Variants in UBE2G1 observed in about 807,000 individuals in gnomAD.
The protein encoded by UBE2G1 is ubiquitin conjugating enzyme E2 G1.
Under a neutral mutation model 22.7 loss-of-function variants are expected in UBE2G1, and 5 were observed. The ratio of observed to expected loss-of-function variants is 0.22; its 90% CI spans 0.12 to 0.46. The LOEUF (loss-of-function observed/expected upper bound fraction) is 0.46, where lower values mean the gene tolerates loss of function less well. UBE2G1 is among the 20% of genes least tolerant of loss of function. UBE2G1 has a pLI of 0.99. For synonymous variants in UBE2G1, 74 were observed against 67.5 expected, an observed-to-expected ratio of 1.10 and a Z score of -0.47; for missense variants, 88 against 203.9, an observed-to-expected ratio of 0.43 and a Z score of 3.46.
intron 1 of UBE2G1, among the ~76,000 whole-genome samples, chr17:4,349,225 CAGG>C (rs1969815963): frequency 6.6e-6 from 1 of 152,090 alleles, no homozygotes; most frequent in African/African-American, 2.4e-5. Context: ...GATGCTGAGG[CAGG>C]AGAATTGCTT....
rs879719250 is a variant in UBE2G1 at position 4,300,555 on chromosome 17, TAATA to T, written c.150-3745_150-3742del. Among the ~76,000 whole-genome samples the T allele has an allele frequency of 4.3e-4, 65 of 151,866 alleles. 1 individual carries two copies. Among genetic ancestry groups the T allele is most frequent in the African/African-American group, 1.4e-3 (60 of 41,466 alleles). On this transcript the variant is annotated intron_variant, in intron 2 of 5. Coordinates refer to ENST00000396981, the MANE Select transcript of UBE2G1 (RefSeq NM_003342.5). ...AAGACTCTGTCTCCAAAAATAATAA[TAATA>T]AATAAATAAATAAAATAAAATTTAA...
chr17:4,282,273 A>G (rs1367931771), intron 5 of UBE2G1, among the ~76,000 whole-genome samples: 4 of 151,856 alleles, frequency 2.6e-5, no homozygotes, highest in Admixed American at 2.6e-4. Flanking sequence ...AGTAGAGGGG[A>G]GGTTTCACCA....
At chr17:4,304,941 G>GT in intron 2 of UBE2G1, among the ~76,000 whole-genome samples, 1 of 146,942 alleles carries the variant, frequency 6.8e-6, no homozygotes, top group Non-Finnish European at 1.5e-5. Context: ...CTGCTAAGAA[G>GT]TTTTTTAAGA....
intron 1 of UBE2G1, among the ~76,000 whole-genome samples, chr17:4,338,157 G>A (rs553929226): frequency 2.2e-4 from 32 of 147,940 alleles, no homozygotes; most frequent in African/African-American, 3.8e-4. Context: ...GCGACAGAGC[G>A]AGACTCCATC....
At chr17:4,365,897 TC>T (rs958291346) in intron 1 of UBE2G1, among the ~76,000 whole-genome samples, 1 of 151,814 alleles carries the variant, frequency 6.6e-6, no homozygotes, top group Non-Finnish European at 1.5e-5. Context: ...GCCCCGAAGG[TC>T]CGGCGGCCCC....
At position 4,325,540 on chromosome 17, in the gene UBE2G1, T is replaced by C. The variant is rs1166176650; in HGVS notation, c.47-18417A>G. Among the ~76,000 whole-genome samples, 3 of 152,276 alleles carry C rather than the reference T, an allele frequency of 2.0e-5. No individual in the cohort carries two copies. In the East Asian group the frequency reaches 5.8e-4, roughly 29 times the overall value. On this transcript the variant is annotated intron_variant, in intron 1 of 5. Transcript: ENST00000396981. ...TAAGAGACTTCTAAACAACTGAATC[T>C]TTTCCTCAAACACAAAAAAATCCAC...
chr17:4,337,762 A>G (rs1432089777), intron 1 of UBE2G1, among the ~76,000 whole-genome samples: 2 of 152,206 alleles, frequency 1.3e-5, no homozygotes, highest in Non-Finnish European at 2.9e-5. Flanking sequence ...CCTTCAACTG[A>G]GCAAGAATTA....
intron 3 of UBE2G1, among the ~76,000 whole-genome samples, chr17:4,294,430 A>G (rs2325980): frequency 1.4e-4 from 3 of 20,776 alleles, no homozygotes; most frequent in East Asian, 0.016. Context: ...AAAAAAAAAA[A>G]AAAAAAAAAA....
chr17:4,311,764 T>G (rs1175169264), intron 1 of UBE2G1, among the ~76,000 whole-genome samples: 3 of 152,148 alleles, frequency 2.0e-5, no homozygotes, highest in African/African-American at 7.2e-5. Flanking sequence ...GTGGTACACT[T>G]TAACACCATT....
At chr17:4,278,761 T>C (rs1968849896) in intron 5 of UBE2G1, among the ~76,000 whole-genome samples, 1 of 152,220 alleles carries the variant, frequency 6.6e-6, no homozygotes, top group Non-Finnish European at 1.5e-5. Flanking sequence ...ATTTTTAGAC[T>C]GCATGGTATA....
rs2038961267 is a variant in UBE2G1 at position 4,329,594 on chromosome 17, A to T, written c.47-22471T>A. ...ACTGAGACTCTTCTTTCCACTATTA[A>T]ACAACTTCTTAGAAGACACTATTTC... On this transcript the variant is annotated intron_variant, in intron 1 of 5. Coordinates refer to ENST00000396981, the MANE Select transcript of UBE2G1 (RefSeq NM_003342.5). Among the ~76,000 whole-genome samples, 3 of 152,148 alleles carry T rather than the reference A, an allele frequency of 2.0e-5. No individual in the cohort carries two copies. The South Asian group carries it at 6.2e-4, about 32-fold the overall frequency.
chr17:4,340,401 C>G (rs762661735), intron 1 of UBE2G1, among the ~76,000 whole-genome samples: 61 of 152,188 alleles, frequency 4.0e-4, no homozygotes, highest in Non-Finnish European at 1.8e-4. Context: ...AACTCTCCTT[C>G]TAATGTTCCC....
chr17:4,322,157 A>G (rs1032491281), intron 1 of UBE2G1, among the ~76,000 whole-genome samples: 3 of 152,248 alleles, frequency 2.0e-5, no homozygotes, highest in African/African-American at 7.2e-5. Flanking sequence ...TAATACAAAT[A>G]CAAGATGTTC....
chr17:4,359,544 G>A (rs918327812), intron 1 of UBE2G1, among the ~76,000 whole-genome samples: 4 of 152,160 alleles, frequency 2.6e-5, no homozygotes, highest in Non-Finnish European at 5.9e-5. Flanking sequence ...TTCTATGAGG[G>A]CCAGAATCTA....
intron 1 of UBE2G1, among the ~76,000 whole-genome samples, chr17:4,316,455 C>T (rs1321565519): frequency 2.0e-5 from 3 of 152,032 alleles, no homozygotes; most frequent in Admixed American, 1.3e-4. Flanking sequence ...ATAAAAATGC[C>T]ACAAACCAAG....
chr17:4,361,945 G>C (rs902055834), intron 1 of UBE2G1, among the ~76,000 whole-genome samples: 2 of 119,668 alleles, frequency 1.7e-5, no homozygotes, highest in Non-Finnish European at 3.2e-5. Flanking sequence ...CTGGGCGACA[G>C]AGCAAGACTG....
intron 1 of UBE2G1, among the ~76,000 whole-genome samples, chr17:4,345,226 CTTTG>C (rs1048538094): frequency 3.9e-5 from 6 of 152,116 alleles, no homozygotes; most frequent in African/African-American, 1.2e-4. Context: ...GGGGTTATTA[CTTTG>C]TTTGAGGGGA....
intron 1 of UBE2G1, among the ~76,000 whole-genome samples, chr17:4,337,942 G>A (rs946263157): frequency 3.3e-5 from 5 of 151,952 alleles, no homozygotes; most frequent in African/African-American, 9.7e-5. Flanking sequence ...AGGCTGAGGC[G>A]GTTGGATCAC....
chr17:4,329,505 C>G (rs1969544229), intron 1 of UBE2G1, among the ~76,000 whole-genome samples: 1 of 151,530 alleles, frequency 6.6e-6, no homozygotes, highest in Admixed American at 6.6e-5. Context: ...TTGCAGTGAG[C>G]TGAGATGGCA....
Sources: gnomAD v4.1 joint callset for allele counts (sites outside exome capture counted in the v4.1 genomes callset) on GRCh38, gnomAD v4.1.1 for gene constraint, MANE v1.5 for transcripts, NCBI Gene and HGNC (gene_info 2026-07-23, HGNC 2026-07-21) for gene names.